The following IMPDH1 variants were observed in gnomAD, a reference collection of about 807,000 sequenced individuals.
The protein encoded by IMPDH1 is inosine-5'-monophosphate dehydrogenase 1.
IMPDH1 carries 41 observed loss-of-function variants against 73.5 expected under a neutral mutation model. That is an observed-to-expected ratio of 0.56 (90% CI 0.43 to 0.72). The LOEUF is 0.72. IMPDH1 is among the 30% of genes least tolerant of loss of function. The probability of loss-of-function intolerance (pLI) is 0.00; values close to 1 mark genes in which losing one functional copy is unlikely to be tolerated. For synonymous variants in IMPDH1, 318 were observed against 334.3 expected (o/e 0.95, Z 0.53); for missense variants, 645 against 824.8 (o/e 0.78, Z 2.67).
intron 4 of IMPDH1, 22 bp downstream of exon 4, chr7:128,405,745 G>A: frequency 6.5e-7 from 1 of 1,528,020 alleles, no homozygotes; most frequent in Non-Finnish European, 8.8e-7. Context: ...GCGCACCTAG[G>A]GGTACGAGAC....
chr7:128,404,553 T>C (rs1798572130), intron 4 of IMPDH1, among the ~76,000 whole-genome samples: 1 of 151,992 alleles, frequency 6.6e-6, no homozygotes, highest in South Asian at 2.1e-4. Context: ...TATCCCACAC[T>C]TCAGGAACAC....
At position 128,394,842 on chromosome 7, in the gene IMPDH1, A is replaced by C. The variant is rs1258490378; in HGVS notation, c.1550+47T>G. 4.4e-6 allele frequency: 7 copies of C among 1,607,838 alleles called. No individual in the cohort carries two copies. In the South Asian group the frequency reaches 7.7e-5, roughly 18 times the overall value. ...AAGTCGGTGGCATGAGCGGGCCCTG[A>C]AGGGTTGTGGGCTGATCTGCCCAGG... On this transcript the variant is annotated intron_variant, in intron 14 of 16. Coordinates refer to ENST00000338791, the MANE Select transcript of IMPDH1 (RefSeq NM_000883.4). The surrounding 1 kb of genome is among the most constrained non-coding windows in gnomAD (Gnocchi z 5.5).
intron 9 of IMPDH1, among the ~76,000 whole-genome samples, chr7:128,399,456 C>T (rs1431077039): frequency 1.3e-5 from 2 of 150,958 alleles, no homozygotes; most frequent in Non-Finnish European, 2.9e-5. Flanking sequence ...GAGGGCAGAT[C>T]ACTTGAGGCC....
At position 128,395,280 on chromosome 7, in the gene IMPDH1, G is replaced by A. The variant is rs760945304; in HGVS notation, c.1262-6C>T. 8.1e-6 allele frequency: 13 copies of A among 1,612,864 alleles called. No homozygotes were observed. In the South Asian group the frequency reaches 1.3e-4, roughly 16 times the overall value. ...GGGCCGACCACAGGCCATCACTGGG[G>A]GAGGGTGGGGTGCACAAGGCAGAGA... is the stretch of plus-strand genomic sequence containing the variant. On this transcript the variant is annotated splice_polypyrimidine_tract_variant and splice_region_variant and intron_variant, in intron 12 of 16. Transcript: ENST00000338791.
Position 128,401,119 on chromosome 7 carries a change from G to A in IMPDH1, c.403-3C>T. ...CGGGTCAGGGCTGAGGTCAGGTCCT[G>A]AGGATGGAGGCACAGCCCACGTAAA... On this transcript the variant is annotated splice_polypyrimidine_tract_variant and splice_region_variant and intron_variant, in intron 5 of 16. Transcript: ENST00000338791. 6.2e-7 allele frequency: 1 copy of A among 1,610,080 alleles called. No individual in the cohort carries two copies. Among genetic ancestry groups the A allele is most frequent in the Non-Finnish European group, 8.5e-7 (1 of 1,177,252 alleles).
At position 128,409,834 on chromosome 7, in the gene IMPDH1, G is replaced by T; in HGVS notation, c.68C>A (p.Ala23Asp). Residue 23 changes from alanine (A) to aspartate (D), a missense_variant, in exon 1 of 17, where the codon GCC becomes GAC. Physicochemically the swap from Ala to Asp is moderately radical, Grantham distance 126 (BLOSUM62 -2). Coordinates refer to ENST00000338791, the MANE Select transcript of IMPDH1 (RefSeq NM_000883.4). ...GGAAAVPEPGARQHPGHETAA... is the reference protein window; with the variant it reads ...GGAAAVPEPGDRQHPGHETAA... ...CGTCTCGTGTCCCGGGTGTTGCCGG[G>T]CTCCGGGCTCCGGAACAGCGGCGGC... 1 of 1,495,978 alleles carries T rather than the reference G, an allele frequency of 6.7e-7. No individual in the cohort carries two copies. Among genetic ancestry groups the T allele is most frequent in the Admixed American group, 2.2e-5 (1 of 46,138 alleles). The allele number at this position is 1,495,978 out of a possible 1,614,324, so 92.7% of individuals were successfully genotyped here. A position where few individuals can be genotyped will look rare whatever the true frequency, so the allele number is the denominator to read the frequency against.
In IMPDH1 at chr7:128,394,557, G is replaced by C. The variant is rs763772446; in HGVS notation, c.1593C>G (p.Ser531=). The C allele has an allele frequency of 1.2e-5, 19 of 1,613,836 alleles. No individual in the cohort carries two copies. The South Asian group carries it at 1.9e-4, about 16-fold the overall frequency. Residue 531 remains serine, a synonymous_variant, in exon 15 of 17, where the codon TCC becomes TCG. Coordinates refer to ENST00000338791, the MANE Select transcript of IMPDH1 (RefSeq NM_000883.4). This position sits in a 1 kb window ranked among gnomAD's most constrained non-coding sequence, Gnocchi z 5.5. ...TCTGAATGGATCCTTTGTCCTGGAT[G>C]GAGCCCGAGACACCCTGCGCGATCT... ...KVKIAQGVSG[S]IQDKGSIQKF... is the part of the protein sequence containing the mutation.
intron 4 of IMPDH1, among the ~76,000 whole-genome samples, chr7:128,404,738 T>C (rs1489494996): frequency 6.6e-6 from 1 of 152,118 alleles, no homozygotes; most frequent in Non-Finnish European, 1.5e-5. Flanking sequence ...GGGCTTTCAA[T>C]CTCATCACCA....
Position 128,398,328 on chromosome 7 carries a change from AAT to A in IMPDH1, c.1074+84_1074+85del, listed in dbSNP as rs1798072074. 3 of 1,071,532 alleles carry A rather than the reference AAT, an allele frequency of 2.8e-6. No individual in the cohort carries two copies. The highest frequency in any genetic ancestry group is 4.3e-6 in the Non-Finnish European group (3 of 696,904). 66.4% of individuals were successfully genotyped at this position (1,071,532 alleles called of 1,614,324 possible). A position where few individuals can be genotyped will look rare whatever the true frequency, so the allele number is the denominator to read the frequency against. On this transcript the variant is annotated intron_variant, in intron 10 of 16. Coordinates refer to ENST00000338791, the MANE Select transcript of IMPDH1 (RefSeq NM_000883.4). The surrounding 1 kb of genome is among the most constrained non-coding windows in gnomAD (Gnocchi z 4.3). The stretch of plus-strand genomic sequence containing the variant: ...AGTAGCAAGGGAGGGGCACAGGCTT[AAT>A]CAGAGGTGAACCTGGGTCCTCATAA...
At chr7:128,408,668 CATT>C (rs1455115943) in intron 3 of IMPDH1, among the ~76,000 whole-genome samples, 1 of 152,180 alleles carries the variant, frequency 6.6e-6, no homozygotes, top group Non-Finnish European at 1.5e-5. Flanking sequence ...AGCTCTGAAA[CATT>C]ATGTTTGCAA....
chr7:128,409,975 G>T lies in IMPDH1; in HGVS notation c.-74C>A, dbSNP rs1799038925. ...CCCGGCTGGGCAGTGAGCGCAGCCC[G>T]GTCGAGTCCCGAGGAGGGGCGGGGC... is the stretch of plus-strand genomic sequence containing the variant. On this transcript the variant is annotated 5_prime_UTR_variant, in exon 1 of 17. Coordinates refer to ENST00000338791, the MANE Select transcript of IMPDH1 (RefSeq NM_000883.4). The T allele has an allele frequency of 7.2e-6, 9 of 1,256,290 alleles. No homozygotes were observed. Among genetic ancestry groups the T allele is most frequent in the Non-Finnish European group, 5.0e-6 (5 of 992,290 alleles). 77.8% of individuals were successfully genotyped at this position (1,256,290 alleles called of 1,614,324 possible).
At chr7:128,409,577 C>T (rs1799001690) in intron 1 of IMPDH1, 93 bp from the exon 2 acceptor site, 2 of 1,534,382 alleles carry the variant, frequency 1.3e-6, no homozygotes, top group Non-Finnish European at 1.8e-6. Flanking sequence ...TGCCCGTCTG[C>T]ATCCCCCAAC....
chr7:128,397,129 A>C, intron 10 of IMPDH1, 107 bp from the exon 11 acceptor site: 1 of 751,422 alleles, frequency 1.3e-6, no homozygotes, highest in Non-Finnish European at 2.4e-6. Flanking sequence ...AACTGTTATG[A>C]GAATGCTCTT....
rs767123748 is a variant in IMPDH1, at chr7:128,409,829, GCCGGGCT to G, written c.66_72del (p.Ala23AsnfsTer66). On this transcript the variant is annotated frameshift_variant, in exon 1 of 17. Transcript: ENST00000338791. LOFTEE classifies it high-confidence loss of function. ...GCCGCCGTCTCGTGTCCCGGGTGTT[GCCGGGCT>G]CCGGGCTCCGGAACAGCGGCGGCTC... 2.7e-6 allele frequency: 4 copies of G among 1,496,984 alleles called. No individual in the cohort carries two copies. Among genetic ancestry groups the G allele is most frequent in the Non-Finnish European group, 3.5e-6 (4 of 1,130,570 alleles). The allele number at this position is 1,496,984 out of a possible 1,614,324, so 92.7% of individuals were successfully genotyped here.
intron 5 of IMPDH1, among the ~76,000 whole-genome samples, chr7:128,402,096 G>T (rs1798380625): frequency 1.3e-5 from 2 of 151,574 alleles, no homozygotes; most frequent in African/African-American, 4.8e-5. Flanking sequence ...TGCCGGCCAG[G>T]CAGGGTTTTT....
In IMPDH1 at chr7:128,397,037, G is replaced by A. The variant is rs775380384; in HGVS notation, c.1075-15C>T. ...TGGGACGAGTCCTGTGAGAAAGGAC[G>A]GAAGAGCTTGGGCTTAGACAGCTGA... On this transcript the variant is annotated splice_polypyrimidine_tract_variant and intron_variant, in intron 10 of 16. Coordinates refer to ENST00000338791, the MANE Select transcript of IMPDH1 (RefSeq NM_000883.4). 5.7e-6 allele frequency: 9 copies of A among 1,590,914 alleles called. No homozygotes were observed. In the East Asian group the frequency reaches 8.9e-5, roughly 16 times the overall value.
At chr7:128,399,002 T>C (rs777374691) in intron 9 of IMPDH1, among the ~76,000 whole-genome samples, 2 of 152,156 alleles carry the variant, frequency 1.3e-5, no homozygotes, top group African/African-American at 4.8e-5. Context: ...CCCTCCAGTA[T>C]GGACCAGGGA....
chr7:128,405,990 G>A, intron 3 of IMPDH1, 125 bp from the exon 4 acceptor site: 2 of 608,746 alleles, frequency 3.3e-6, no homozygotes, highest in Non-Finnish European at 4.1e-6. Context: ...CGGGCGGGCC[G>A]GGGGCGGGGG....
intron 3 of IMPDH1, among the ~76,000 whole-genome samples, chr7:128,408,964 C>G (rs1330310725): frequency 6.6e-6 from 1 of 152,196 alleles, no homozygotes; most frequent in Non-Finnish European, 1.5e-5. Context: ...TTCCCCCAGA[C>G]CACCCCCATC....
Sources: gnomAD v4.1 joint callset for allele counts (sites outside exome capture counted in the v4.1 genomes callset) on GRCh38, gnomAD v4.1.1 for gene constraint, Gnocchi (gnomAD v3.1) non-coding constraint, MANE v1.5 for transcripts, NCBI Gene and HGNC (gene_info 2026-07-23, HGNC 2026-07-21) for gene names.